Variants in DSCAML1 observed in about 807,000 individuals in gnomAD.
DSCAML1 encodes the protein DS cell adhesion molecule like 1, also known as cell adhesion molecule DSCAML1.
In DSCAML1, 38 loss-of-function variants were observed where a neutral mutation model predicts 200.5. The observed-to-expected ratio is 0.19, with a 90% CI of 0.15 to 0.25. DSCAML1 has a LOEUF of 0.25. DSCAML1 is among the 10% of genes least tolerant of loss of function. DSCAML1 has a pLI of 1.00. For synonymous variants in DSCAML1, 1,215 were observed against 1,165.0 expected, an observed-to-expected ratio of 1.04 and a Z score of -0.87; for missense variants, 2,223 against 2,858.8, an observed-to-expected ratio of 0.78 and a Z score of 5.07.
At chr11:117,471,683 G>A (rs950199547) in intron 15 of DSCAML1, among the ~76,000 whole-genome samples, 186 bp downstream of exon 15, 14 of 125,510 alleles carry the variant, frequency 1.1e-4, no homozygotes, top group African/African-American at 4.3e-4. Flanking sequence ...CTAGAACCCC[G>A]CTTGGAAAAG....
chr11:117,705,829 T>C (rs1455599320), intron 3 of DSCAML1, among the ~76,000 whole-genome samples: 2 of 152,314 alleles, frequency 1.3e-5, no homozygotes, highest in Admixed American at 1.3e-4. Context: ...CTGGGAAGTG[T>C]GACCTTGGGC....
rs2047699691 is a variant in DSCAML1 at position 117,428,237 on chromosome 11, G to T, written c.*91C>A. 1 of 781,984 alleles carries T rather than the reference G, an allele frequency of 1.3e-6. No individual in the cohort carries two copies. The highest frequency in any genetic ancestry group is 2.6e-5 in the East Asian group (1 of 38,090). The allele number at this position is 781,984 out of a possible 1,614,324, so 48.4% of individuals were successfully genotyped here. Reference sequence around the variant, plus strand: ...GTCGTTGGTTGGTTTTTGTCTGTCAGTTGAATATAAATAATGCAGAAAAAC... The same window carrying T: ...GTCGTTGGTTGGTTTTTGTCTGTCATTTGAATATAAATAATGCAGAAAAAC... On this transcript the variant is annotated 3_prime_UTR_variant, in exon 33 of 33. Coordinates refer to ENST00000651296, the MANE Select transcript of DSCAML1 (RefSeq NM_020693.4).
intron 20 of DSCAML1, 111 bp from the exon 21 acceptor site, chr11:117,444,150 G>A (rs2048128674): frequency 1.6e-6 from 2 of 1,274,608 alleles, no homozygotes; most frequent in Non-Finnish European, 2.1e-6. Context: ...TCGGATGCGA[G>A]GCAGGATTCT....
In DSCAML1 at chr11:117,516,332, CA is replaced by C; in HGVS notation, c.1783+134del. On this transcript the variant is annotated intron_variant, in intron 8 of 32. Transcript: ENST00000651296. This position sits in a 1 kb window ranked among gnomAD's most constrained non-coding sequence, Gnocchi z 5.7. ...GCCCTGCTCCCTTTTTTCTGAATGC[CA>C]AGCTGGGGCCTCTCTTGCTCAGCCT... is the stretch of plus-strand genomic sequence containing the variant. The C allele has an allele frequency of 8.6e-7, 1 of 1,166,886 alleles. No homozygotes were observed. Among genetic ancestry groups the C allele is most frequent in the Non-Finnish European group, 1.2e-6 (1 of 845,760 alleles). 72.3% of individuals were successfully genotyped at this position (1,166,886 alleles called of 1,614,324 possible).
chr11:117,740,974 C>T (rs2054412701), intron 3 of DSCAML1, among the ~76,000 whole-genome samples: 1 of 152,244 alleles, frequency 6.6e-6, no homozygotes. Context: ...GTCAGGCAAG[C>T]TGGAGGGGAG....
At chr11:117,711,541 G>A (rs935516414) in intron 3 of DSCAML1, among the ~76,000 whole-genome samples, 12 of 152,254 alleles carry the variant, frequency 7.9e-5, no homozygotes, top group South Asian at 4.2e-4. Context: ...AGTTGGCACC[G>A]GGGACATGTC....
chr11:117,513,386 C>T (rs529926097), intron 8 of DSCAML1, among the ~76,000 whole-genome samples: 251 of 152,266 alleles, frequency 1.6e-3, no homozygotes, highest in African/African-American at 5.2e-3. Context: ...TCTCCTCTCT[C>T]CTCCCAGACC....
chr11:117,668,285 T>G (rs1371880547), intron 3 of DSCAML1, among the ~76,000 whole-genome samples: 1 of 152,174 alleles, frequency 6.6e-6, no homozygotes, highest in Non-Finnish European at 1.5e-5. Context: ...ATATCTGCCC[T>G]AGATAGTGAT....
Position 117,481,244 on chromosome 11 carries a change from A to G in DSCAML1, c.2586T>C (p.Ser862=). ...TGATGGCATGGCAGCTGAAGAACAC[A>G]GAGTCCCCACGGTCAGCGGGCTTGA... ...LKLKPADRGD[S]VFFSCHAINS... is the part of the protein sequence containing the mutation. The change falls in exon 13 of 33, where the codon TCT becomes TCC. Residue 862 remains serine, a synonymous_variant. Coordinates refer to ENST00000651296, the MANE Select transcript of DSCAML1 (RefSeq NM_020693.4). 1 of 1,613,868 alleles carries G rather than the reference A, an allele frequency of 6.2e-7. No homozygotes were observed. The highest frequency in any genetic ancestry group is 1.1e-5 in the South Asian group (1 of 91,068).
chr11:117,733,689 A>T (rs960261815), intron 3 of DSCAML1, among the ~76,000 whole-genome samples: 10 of 152,184 alleles, frequency 6.6e-5, no homozygotes, highest in African/African-American at 2.4e-4. Flanking sequence ...GCATGCATAT[A>T]TGTGCACATC....
chr11:117,624,672 C>T (rs2052006670), intron 3 of DSCAML1, among the ~76,000 whole-genome samples: 1 of 152,144 alleles, frequency 6.6e-6, no homozygotes, highest in Non-Finnish European at 1.5e-5. Context: ...CCCAGGAGCA[C>T]TCTTCTCCCT....
chr11:117,791,426 T>C (rs2055465145), intron 1 of DSCAML1, among the ~76,000 whole-genome samples: 1 of 152,262 alleles, frequency 6.6e-6, no homozygotes, highest in African/African-American at 2.4e-5. Context: ...CTTTATGGCA[T>C]GAACTCCAGA....
intron 3 of DSCAML1, among the ~76,000 whole-genome samples, chr11:117,743,630 C>T (rs1243407586): frequency 2.0e-5 from 3 of 152,200 alleles, no homozygotes; most frequent in Non-Finnish European, 4.4e-5. Flanking sequence ...CAGGTCCTCC[C>T]CAAGCCCAGA....
chr11:117,457,921 C>T (rs766772475), intron 19 of DSCAML1, among the ~76,000 whole-genome samples: 8 of 152,200 alleles, frequency 5.3e-5, no homozygotes, highest in African/African-American at 1.4e-4. Context: ...GTGTGCCAGT[C>T]GTTTGTCACA....
At chr11:117,674,641 G>A (rs921681615) in intron 3 of DSCAML1, among the ~76,000 whole-genome samples, 3 of 152,152 alleles carry the variant, frequency 2.0e-5, no homozygotes. Context: ...TCTTCCATGA[G>A]GCACCCGACT....
chr11:117,513,124 C>T (rs1432656397), intron 8 of DSCAML1, among the ~76,000 whole-genome samples: 11 of 152,094 alleles, frequency 7.2e-5, no homozygotes, highest in African/African-American at 7.2e-5. Flanking sequence ...CTTAAACTCT[C>T]GGTCCACTGC....
In DSCAML1 at chr11:117,520,858, A is replaced by G. The variant is rs1350805240; in HGVS notation, c.1213+272T>C. 5.3e-5 allele frequency among the ~76,000 whole-genome samples: 8 copies of G among 152,238 alleles called. No homozygotes were observed. In the South Asian group the frequency reaches 1.7e-3, roughly 32 times the overall value. On this transcript the variant is annotated intron_variant, in intron 6 of 32. Coordinates refer to ENST00000651296, the MANE Select transcript of DSCAML1 (RefSeq NM_020693.4). Reference sequence around the variant, plus strand: ...GGTGGGAGGATTGCTTGAGCCAGGGAGGTTGAGGCTGCAGTGAGCTGTGAT... The same window carrying G: ...GGTGGGAGGATTGCTTGAGCCAGGGGGGTTGAGGCTGCAGTGAGCTGTGAT...
intron 29 of DSCAML1, 59 bp from the exon 30 acceptor site, chr11:117,432,563 G>C (rs1648687702): frequency 6.6e-7 from 1 of 1,525,866 alleles, no homozygotes; most frequent in Non-Finnish European, 8.9e-7. Context: ...AAGCTCTTTT[G>C]GATGTGACTG....
At chr11:117,531,971 G>A (rs1269131411) in intron 4 of DSCAML1, among the ~76,000 whole-genome samples, 5 of 148,028 alleles carry the variant, frequency 3.4e-5, no homozygotes, top group African/African-American at 5.0e-5. Flanking sequence ...AGGGAGGGAC[G>A]AAATAAAGAA....
Sources: gnomAD v4.1 joint callset for allele counts (sites outside exome capture counted in the v4.1 genomes callset) on GRCh38, gnomAD v4.1.1 for gene constraint, Gnocchi (gnomAD v3.1) non-coding constraint, MANE v1.5 for transcripts, NCBI Gene and HGNC (gene_info 2026-07-23, HGNC 2026-07-21) for gene names.